The following NLGN1 variants were observed in gnomAD, a reference collection of about 807,000 sequenced individuals.
NLGN1 encodes the protein neuroligin 1.
Under a neutral mutation model 65.5 loss-of-function variants are expected in NLGN1, and 12 were observed. That is an observed-to-expected ratio of 0.18 (90% CI 0.12 to 0.30). The LOEUF (loss-of-function observed/expected upper bound fraction) is 0.30. NLGN1 is among the 10% of genes least tolerant of loss of function. The pLI is 1.00. For synonymous variants in NLGN1, 350 were observed against 359.5 expected (o/e 0.97, Z 0.30); for missense variants, 750 against 1,007.1 (o/e 0.74, Z 3.46).
intron 3 of NLGN1, among the ~76,000 whole-genome samples, chr3:173,696,058 C>G (rs1230319534): frequency 6.6e-6 from 1 of 152,182 alleles, no homozygotes; most frequent in Non-Finnish European, 1.5e-5. Context: ...GCAACTCTCC[C>G]ACCTTTGCCT....
downstream of NLGN1, among the ~76,000 whole-genome samples, chr3:174,288,479 A>G (rs187897229): frequency 6.6e-6 from 1 of 151,532 alleles, no homozygotes; most frequent in East Asian, 1.9e-4. Flanking sequence ...TGTCTTCTTT[A>G]TATTGATTTC....
chr3:173,807,929 A>T, intron 4 of NLGN1, 97 bp downstream of exon 4: 1 of 1,269,154 alleles, frequency 7.9e-7, no homozygotes, highest in Non-Finnish European at 1.1e-6. Flanking sequence ...TGTTTCACCC[A>T]TTTTTTTATG....
intron 4 of NLGN1, among the ~76,000 whole-genome samples, chr3:173,936,736 A>G (rs1365415635): frequency 6.6e-6 from 1 of 152,094 alleles, no homozygotes; most frequent in East Asian, 1.9e-4. Context: ...TTACAACATT[A>G]TAGCCGGAAA....
chr3:173,398,949 A>G (rs1717137504), intron 1 of NLGN1, among the ~76,000 whole-genome samples: 1 of 152,214 alleles, frequency 6.6e-6, no homozygotes, highest in South Asian at 2.1e-4. Flanking sequence ...GAGAAAGGGT[A>G]TGTGTACCTA....
chr3:173,669,469 A>T (rs1762167484), intron 3 of NLGN1, among the ~76,000 whole-genome samples: 1 of 152,132 alleles, frequency 6.6e-6, no homozygotes, highest in Non-Finnish European at 1.5e-5. Flanking sequence ...GCAAAACTCT[A>T]ATCCTCACAT....
chr3:174,149,309 A>T (rs1325053710), intron 4 of NLGN1, among the ~76,000 whole-genome samples: 1 of 152,068 alleles, frequency 6.6e-6, no homozygotes, highest in Non-Finnish European at 1.5e-5. Context: ...TCTTACTGTA[A>T]CCCAAACCTA....
At chr3:173,889,726 A>G (rs527319549) in intron 4 of NLGN1, among the ~76,000 whole-genome samples, 2 of 152,262 alleles carry the variant, frequency 1.3e-5, no homozygotes, top group East Asian at 3.9e-4. Context: ...TTTGCCTGCC[A>G]ACAGCAGTAA....
intron 1 of NLGN1, among the ~76,000 whole-genome samples, chr3:173,413,113 G>A (rs922484953): frequency 8.6e-5 from 13 of 151,580 alleles, no homozygotes; most frequent in Non-Finnish European, 1.5e-4. Context: ...TGCTTCCCTC[G>A]CAGACTGCCC....
At chr3:173,984,786 G>A (rs185328461) in intron 4 of NLGN1, among the ~76,000 whole-genome samples, 269 of 152,254 alleles carry the variant, frequency 1.8e-3, no homozygotes, top group African/African-American at 6.1e-3. Flanking sequence ...GCTCACATCC[G>A]TAATCCCAGC....
At chr3:173,539,460 T>C (rs1262416235) in intron 2 of NLGN1, among the ~76,000 whole-genome samples, 2 of 145,886 alleles carry the variant, frequency 1.4e-5, no homozygotes, top group East Asian at 2.0e-4. Flanking sequence ...TACATACATG[T>C]ACATATGTAT....
chr3:174,289,867 G>A (rs1454096969), downstream of NLGN1, among the ~76,000 whole-genome samples: 1 of 146,986 alleles, frequency 6.8e-6, no homozygotes, highest in African/African-American at 2.5e-5. Context: ...ATGTAAAAGT[G>A]TATTGTCTGT....
chr3:173,755,271 A>T (rs1041108644), intron 3 of NLGN1, among the ~76,000 whole-genome samples: 4 of 152,060 alleles, frequency 2.6e-5, no homozygotes, highest in African/African-American at 9.7e-5. Flanking sequence ...TGATGTATCT[A>T]TTGCATTATT....
intron 2 of NLGN1, among the ~76,000 whole-genome samples, chr3:173,489,208 A>T (rs1230961667): frequency 6.6e-6 from 1 of 151,938 alleles, no homozygotes; most frequent in African/African-American, 2.4e-5. Context: ...TACATTAGGT[A>T]TATCTCCTAA....
chr3:173,602,490 A>G (rs528835733), intron 2 of NLGN1, among the ~76,000 whole-genome samples: 2 of 152,162 alleles, frequency 1.3e-5, no homozygotes, highest in African/African-American at 4.8e-5. Flanking sequence ...CAGAATTCCA[A>G]TCCTGTGCAA....
chr3:173,944,976 G>C (rs1313500041), intron 4 of NLGN1, among the ~76,000 whole-genome samples: 1 of 152,118 alleles, frequency 6.6e-6, no homozygotes, highest in Non-Finnish European at 1.5e-5. Flanking sequence ...TGATGGTGAA[G>C]AGAAAATGAG....
At chr3:173,868,175 A>G (rs1047633043) in intron 4 of NLGN1, among the ~76,000 whole-genome samples, 1 of 152,120 alleles carries the variant, frequency 6.6e-6, no homozygotes, top group Admixed American at 6.6e-5. Flanking sequence ...ACAGAATCCT[A>G]GTGGGCTGAT....
At chr3:174,044,754 C>T (rs866745562) in intron 4 of NLGN1, among the ~76,000 whole-genome samples, 2 of 152,080 alleles carry the variant, frequency 1.3e-5, no homozygotes, top group Middle Eastern at 3.2e-3. Context: ...CATATTGATT[C>T]GTAGTTCCCA....
At chr3:173,580,660 A>T (rs894609262) in intron 2 of NLGN1, among the ~76,000 whole-genome samples, 1 of 151,932 alleles carries the variant, frequency 6.6e-6, no homozygotes, top group African/African-American at 2.4e-5. Flanking sequence ...TTATTCTCAA[A>T]CACCTTTCCT....
intron 4 of NLGN1, among the ~76,000 whole-genome samples, chr3:174,146,397 G>A (rs908081358): frequency 3.3e-5 from 5 of 151,936 alleles, no homozygotes; most frequent in African/African-American, 1.2e-4. Context: ...ATTTTTGTGA[G>A]GTTAAATAAG....
Sources: allele counts gnomAD v4.1 joint callset (sites outside exome capture counted in the v4.1 genomes callset), GRCh38; gene constraint gnomAD v4.1.1; transcripts MANE v1.5; gene names NCBI Gene and HGNC (gene_info 2026-07-23, HGNC 2026-07-21).